The following PDS5B variants were observed in gnomAD, a reference collection of about 807,000 sequenced individuals.
PDS5B encodes sister chromatid cohesion protein PDS5 homolog B.
PDS5B carries 51 observed loss-of-function variants against 184.1 expected under a neutral mutation model. The observed-to-expected ratio is 0.28, with a 90% CI of 0.22 to 0.35. The LOEUF (loss-of-function observed/expected upper bound fraction) is 0.35, where lower values mean the gene tolerates loss of function less well. PDS5B is among the 10% of genes least tolerant of loss of function. PDS5B has a pLI of 1.00. For synonymous variants in PDS5B, 566 were observed against 569.2 expected (o/e 0.99, Z 0.08); for missense variants, 1,180 against 1,723.3 (o/e 0.68, Z 5.58).
chr13:32,625,301 T>C (rs2058354758), intron 1 of PDS5B, among the ~76,000 whole-genome samples: 1 of 152,144 alleles, frequency 6.6e-6, no homozygotes, highest in Non-Finnish European at 1.5e-5. Context: ...AGCCTTGAAC[T>C]CCTGGGCTCA....
chr13:32,648,311 A>T (rs866222984), intron 1 of PDS5B, among the ~76,000 whole-genome samples: 2 of 152,264 alleles, frequency 1.3e-5, no homozygotes, highest in Middle Eastern at 6.8e-3. Context: ...GCCCTATAAG[A>T]CCATCAAAAC....
chr13:32,691,421 A>G (rs978896010), intron 13 of PDS5B, among the ~76,000 whole-genome samples: 3 of 152,108 alleles, frequency 2.0e-5, no homozygotes, highest in Non-Finnish European at 2.9e-5. Flanking sequence ...ATTTGAGTCA[A>G]TGCAGAAAAT....
At position 32,744,667 on chromosome 13, in the gene PDS5B, TG is replaced by T. The variant is rs911338805; in HGVS notation, c.2613-1308del. On this transcript the variant is annotated intron_variant, in intron 23 of 34. Coordinates refer to ENST00000315596, the MANE Select transcript of PDS5B (RefSeq NM_015032.4). The stretch of plus-strand genomic sequence containing the variant: ...ATCTGTGAGGAAAACATCCAACAGG[TG>T]GTTTATACTTTTTGCACTAAGAACT... 2.5e-4 allele frequency among the ~76,000 whole-genome samples: 38 copies of T among 152,130 alleles called. 1 individual carries two copies. In the Middle Eastern group the frequency reaches 0.014, roughly 54 times the overall value.
At chr13:32,596,909 G>T (rs2140472218) in intron 1 of PDS5B, among the ~76,000 whole-genome samples, 1 of 152,176 alleles carries the variant, frequency 6.6e-6, no homozygotes. Flanking sequence ...AGAGTATTAA[G>T]AGTATTTTCT....
At chr13:32,618,615 T>C (rs2058252638) in intron 1 of PDS5B, among the ~76,000 whole-genome samples, 1 of 152,196 alleles carries the variant, frequency 6.6e-6, no homozygotes, top group Non-Finnish European at 1.5e-5. Flanking sequence ...GTTTCTCCTT[T>C]GTTGAAGTTA....
At chr13:32,693,681 A>G (rs1951617897) in intron 13 of PDS5B, among the ~76,000 whole-genome samples, 1 of 149,612 alleles carries the variant, frequency 6.7e-6, no homozygotes, top group Middle Eastern at 3.5e-3. Context: ...ATATATTATA[A>G]TATATTAAAC....
At chr13:32,756,054 A>G in intron 26 of PDS5B, 98 bp downstream of exon 26, 1 of 653,620 alleles carries the variant, frequency 1.5e-6, no homozygotes, top group Non-Finnish European at 2.7e-6. Context: ...TTATTGATGT[A>G]TTTCATTTCT....
chr13:32,610,084 C>T (rs1375105930), intron 1 of PDS5B, among the ~76,000 whole-genome samples: 3 of 152,028 alleles, frequency 2.0e-5, no homozygotes, highest in Non-Finnish European at 4.4e-5. Flanking sequence ...TTTCTTGTAA[C>T]ATGAAGAGAT....
intron 1 of PDS5B, among the ~76,000 whole-genome samples, chr13:32,592,183 C>G (rs1370815914): frequency 6.6e-6 from 1 of 152,182 alleles, no homozygotes; most frequent in African/African-American, 2.4e-5. Flanking sequence ...GTTTTCTCCT[C>G]TTTTCCTGTC....
chr13:32,726,553 A>G (rs1952907943), intron 19 of PDS5B, among the ~76,000 whole-genome samples: 1 of 152,172 alleles, frequency 6.6e-6, no homozygotes, highest in South Asian at 2.1e-4. Context: ...AGCAGTATGT[A>G]AGAGTGTCTG....
At chr13:32,720,493 A>T (rs1353958938) in intron 19 of PDS5B, among the ~76,000 whole-genome samples, 1 of 152,170 alleles carries the variant, frequency 6.6e-6, no homozygotes, top group Non-Finnish European at 1.5e-5. Context: ...CTAGGTATAA[A>T]GTCATGTACT....
At chr13:32,689,563 C>G (rs1951489062) in intron 13 of PDS5B, 1 of 152,018 alleles carries the variant, frequency 6.6e-6, no homozygotes, top group Non-Finnish European at 1.5e-5. Flanking sequence ...GCTTGGCAAC[C>G]CTGGTTTAAG....
chr13:32,683,757 T>G, intron 10 of PDS5B, 121 bp from the exon 11 acceptor site: 2 of 597,628 alleles, frequency 3.3e-6, no homozygotes, highest in Non-Finnish European at 5.7e-6. Flanking sequence ...GGGCTCTTAA[T>G]TTTCTTGAAA....
intron 21 of PDS5B, among the ~76,000 whole-genome samples, chr13:32,736,169 T>A (rs1330106246): frequency 6.6e-6 from 1 of 152,136 alleles, no homozygotes; most frequent in Non-Finnish European, 1.5e-5. Flanking sequence ...GTTCACCCAG[T>A]TCTATTACTG....
chr13:32,715,172 C>T (rs1318895120), intron 19 of PDS5B, among the ~76,000 whole-genome samples: 11 of 152,158 alleles, frequency 7.2e-5, no homozygotes, highest in Non-Finnish European at 1.3e-4. Context: ...TCAAACCACA[C>T]ACAATTTCTG....
chr13:32,692,657 ACTGGAGTT>A (rs1323883588), intron 13 of PDS5B, among the ~76,000 whole-genome samples: 46 of 151,892 alleles, frequency 3.0e-4, no homozygotes, highest in African/African-American at 1.1e-3. Context: ...CCAGGCTGTA[ACTGGAGTT>A]CTTACATTTG....
rs1198325544 is a variant in PDS5B at position 32,714,916 on chromosome 13, T to C, written c.2123+4810T>C. On this transcript the variant is annotated intron_variant, in intron 19 of 34. Transcript: ENST00000315596. ...AGACAGGCATAGGAAATCACAAGAG[T>C]ATTGATTGGGGAAGTGATAAGTGTC... is the stretch of plus-strand genomic sequence containing the variant. Among the ~76,000 whole-genome samples, 5 of 152,108 alleles carry C rather than the reference T, an allele frequency of 3.3e-5. No homozygotes were observed. In the Middle Eastern group the frequency reaches 0.017, roughly 517 times the overall value.
intron 33 of PDS5B, 74 bp downstream of exon 33, chr13:32,770,835 T>A: frequency 9.4e-7 from 1 of 1,062,818 alleles, no homozygotes; most frequent in Non-Finnish European, 1.4e-6. Context: ...TAAACATACA[T>A]ATTGCTGTAT....
chr13:32,648,196 G>A (rs1454095965), intron 1 of PDS5B, among the ~76,000 whole-genome samples: 1 of 152,178 alleles, frequency 6.6e-6, no homozygotes, highest in African/African-American at 2.4e-5. Flanking sequence ...CCTCTCCTTT[G>A]CAGGTATATC....
Sources: allele counts gnomAD v4.1 joint callset (sites outside exome capture counted in the v4.1 genomes callset), GRCh38; gene constraint gnomAD v4.1.1; transcripts MANE v1.5; gene names NCBI Gene and HGNC (gene_info 2026-07-23, HGNC 2026-07-21).